The following ORC2 variants were observed in gnomAD, a reference collection of about 807,000 sequenced individuals.
ORC2 encodes origin recognition complex subunit 2.
In ORC2, 37 loss-of-function variants were observed where a neutral mutation model predicts 77.7. The observed-to-expected ratio is 0.48, with a 90% CI of 0.37 to 0.63. The LOEUF (loss-of-function observed/expected upper bound fraction) is 0.63. Among genes scored for constraint, ORC2 ranks in the 20% least tolerant of loss-of-function variants. The pLI is 0.00. For missense variants in ORC2, 557 were observed against 661.9 expected (o/e 0.84, Z 1.74); for synonymous variants, 201 against 229.5 (o/e 0.88, Z 1.12).
In ORC2 at chr2:200,952,557, G is replaced by A. The variant is rs913836107; in HGVS notation, c.239-2914C>T. On this transcript the variant is annotated intron_variant, in intron 4 of 17. Coordinates refer to ENST00000234296, the MANE Select transcript of ORC2 (RefSeq NM_006190.5). ...ATTACAGGCATGAGCCACCGCGCCC[G>A]GCCTATATAATTTATTTTTGTCTGA... 8.6e-5 allele frequency among the ~76,000 whole-genome samples: 13 copies of A among 151,918 alleles called. No homozygotes were observed. In the East Asian group the frequency reaches 9.7e-4, roughly 11 times the overall value.
chr2:200,928,300 G>A (rs2040878582), intron 11 of ORC2, among the ~76,000 whole-genome samples: 1 of 141,698 alleles, frequency 7.1e-6, no homozygotes, highest in African/African-American at 2.9e-5. Flanking sequence ...AGGTTGCAGA[G>A]AGCTGAGATC....
chr2:200,921,264 A>G (rs1407530028), intron 13 of ORC2, 125 bp from the exon 14 acceptor site: 2 of 486,594 alleles, frequency 4.1e-6, no homozygotes, highest in East Asian at 3.4e-5. Flanking sequence ...GACTCAAGCA[A>G]TCCTCCCACC....
chr2:200,941,997 T>G (rs574032058), intron 6 of ORC2, among the ~76,000 whole-genome samples: 1 of 151,060 alleles, frequency 6.6e-6, no homozygotes, highest in South Asian at 2.1e-4. Context: ...GCGAGACTCC[T>G]TCTCAAAAAA....
intron 11 of ORC2, among the ~76,000 whole-genome samples, chr2:200,930,548 C>G (rs1298217594): frequency 1.3e-5 from 2 of 149,500 alleles, no homozygotes; most frequent in Non-Finnish European, 3.0e-5. Context: ...TCTCAAACCC[C>G]TGGGCTCAAG....
At chr2:200,941,704 T>G (rs2041155037) in intron 6 of ORC2, among the ~76,000 whole-genome samples, 1 of 152,018 alleles carries the variant, frequency 6.6e-6, no homozygotes. Context: ...AAAGTACAAC[T>G]GTCCAGGAGC....
Position 200,931,400 on chromosome 2 carries a change from C to A in ORC2, c.856G>T (p.Glu286Ter). ...TACTGTTGATTTAGTTGTTTAAGTTCGGCAGAAAAGGAAGGGGAAACCTTG... is the reference window on the plus strand; with the variant it reads ...TACTGTTGATTTAGTTGTTTAAGTTAGGCAGAAAAGGAAGGGGAAACCTTG... ...LSKVSPSFSA[E>*]LKQLNQQYEK... Residue 286 changes from glutamate (E) to a stop codon, truncating the protein, a stop_gained, in exon 11 of 18, where the codon GAA becomes TAA. Coordinates refer to ENST00000234296, the MANE Select transcript of ORC2 (RefSeq NM_006190.5). LOFTEE classifies it high-confidence loss of function. The A allele has an allele frequency of 6.5e-7, 1 of 1,533,826 alleles. No individual in the cohort carries two copies. The highest frequency in any genetic ancestry group is 8.7e-7 in the Non-Finnish European group (1 of 1,147,552).
At chr2:200,928,885 T>C (rs539056852) in intron 11 of ORC2, among the ~76,000 whole-genome samples, 10 of 151,868 alleles carry the variant, frequency 6.6e-5, no homozygotes, top group South Asian at 4.2e-4. Context: ...CTGATACAAA[T>C]TGAAAAGAGG....
rs2040945347 is a variant in ORC2 at position 200,931,748 on chromosome 2, A to T, written c.808-300T>A. 2.0e-5 allele frequency among the ~76,000 whole-genome samples: 3 copies of T among 152,364 alleles called. No individual in the cohort carries two copies. The South Asian group carries it at 6.2e-4, about 32-fold the overall frequency. On this transcript the variant is annotated intron_variant, in intron 10 of 17. Coordinates refer to ENST00000234296, the MANE Select transcript of ORC2 (RefSeq NM_006190.5). The stretch of plus-strand genomic sequence containing the variant: ...AATAGGCTTTACTTTCTCAGAAAAC[A>T]TTAAAGGTTCTTTATAATTTACTTA...
At chr2:200,913,089 A>T (rs1358049085) in intron 17 of ORC2, among the ~76,000 whole-genome samples, 1 of 152,266 alleles carries the variant, frequency 6.6e-6, no homozygotes, top group Non-Finnish European at 1.5e-5. Context: ...GGACTAGAAC[A>T]TGTGAGTTTT....
At chr2:200,962,819 T>C (rs923702550) in intron 1 of ORC2, among the ~76,000 whole-genome samples, 2 of 152,328 alleles carry the variant, frequency 1.3e-5, no homozygotes, top group East Asian at 1.9e-4. Flanking sequence ...TGCGGGAAAG[T>C]GTAATGATTC....
At chr2:200,929,781 C>T (rs1271330396) in intron 11 of ORC2, among the ~76,000 whole-genome samples, 1 of 149,818 alleles carries the variant, frequency 6.7e-6, no homozygotes, top group African/African-American at 2.5e-5. Flanking sequence ...GTGAGACTGT[C>T]TCTTAAAAAG....
At chr2:200,958,827 C>T (rs2041519463) in intron 2 of ORC2, among the ~76,000 whole-genome samples, 1 of 152,182 alleles carries the variant, frequency 6.6e-6, no homozygotes, top group Non-Finnish European at 1.5e-5. Context: ...ACAAAATGAA[C>T]TTTCAGAACT....
intron 1 of ORC2, among the ~76,000 whole-genome samples, chr2:200,961,502 T>G (rs2041573358): frequency 6.6e-6 from 1 of 152,172 alleles, no homozygotes; most frequent in Non-Finnish European, 1.5e-5. Flanking sequence ...GTCTAATTAT[T>G]TCTCTACATG....
At chr2:200,960,629 T>C (rs1643076093) in intron 1 of ORC2, among the ~76,000 whole-genome samples, 1 of 152,326 alleles carries the variant, frequency 6.6e-6, no homozygotes, top group East Asian at 1.9e-4. Flanking sequence ...GTATTTTGCA[T>C]CTCTCTCTTT....
chr2:200,931,498 G>A lies in ORC2; in HGVS notation c.808-50C>T, dbSNP rs955992050. The A allele has an allele frequency of 7.4e-6, 7 of 939,720 alleles. No homozygotes were observed. The East Asian group carries it at 1.4e-4, about 19-fold the overall frequency. The allele number at this position is 939,720 out of a possible 1,614,324, so 58.2% of individuals were successfully genotyped here. A position where few individuals can be genotyped will look rare whatever the true frequency, so the allele number is the denominator to read the frequency against. ...AAAAGTCATTCTCAAAGCACAGACAGCAAATCAATCCAAACAATTTCCTTA... is the reference window on the plus strand; with the variant it reads ...AAAAGTCATTCTCAAAGCACAGACAACAAATCAATCCAAACAATTTCCTTA... On this transcript the variant is annotated intron_variant, in intron 10 of 17. Coordinates refer to ENST00000234296, the MANE Select transcript of ORC2 (RefSeq NM_006190.5).
chr2:200,944,181 T>TC (rs1324203073), intron 5 of ORC2, among the ~76,000 whole-genome samples: 1 of 152,126 alleles, frequency 6.6e-6, no homozygotes, highest in Non-Finnish European at 1.5e-5. Flanking sequence ...CAAGATAGTC[T>TC]CTTTTTTTTT....
chr2:200,934,373 G>A (rs1331935169), intron 9 of ORC2, among the ~76,000 whole-genome samples: 1 of 151,676 alleles, frequency 6.6e-6, no homozygotes, highest in Non-Finnish European at 1.5e-5. Context: ...GCAGTGTAGT[G>A]GTGCAAATAC....
intron 15 of ORC2, among the ~76,000 whole-genome samples, chr2:200,917,304 CAAT>C (rs1334754553): frequency 6.6e-6 from 1 of 152,038 alleles, no homozygotes; most frequent in Non-Finnish European, 1.5e-5. Flanking sequence ...CTGCATATTC[CAAT>C]ATTAATGCAA....
intron 10 of ORC2, among the ~76,000 whole-genome samples, chr2:200,932,001 T>C (rs1021405063): frequency 1.6e-4 from 24 of 152,222 alleles, no homozygotes; most frequent in Admixed American, 6.5e-5. Context: ...GGTCTTCACT[T>C]TGGCACTACC....
Sources: gnomAD v4.1 joint callset for allele counts (sites outside exome capture counted in the v4.1 genomes callset) on GRCh38, gnomAD v4.1.1 for gene constraint, MANE v1.5 for transcripts, NCBI Gene and HGNC (gene_info 2026-07-23, HGNC 2026-07-21) for gene names.